Variants in FIGNL2 observed in about 807,000 individuals in gnomAD.
The protein encoded by FIGNL2 is fidgetin-like protein 2.
For synonymous variants in FIGNL2, 565 were observed against 484.0 expected, an observed-to-expected ratio of 1.17 and a Z score of -2.20; for missense variants, 1,060 against 950.2, an observed-to-expected ratio of 1.12 and a Z score of -1.52.
Position 51,821,415 on chromosome 12 carries a change from C to T in FIGNL2, c.999G>A (p.Leu333=). ...GTTGCGGGCCGTAGACGGGGGAGCC[C>T]AGGACCTTGAGGGGGACGCCGCCAC... is the stretch of plus-strand genomic sequence containing the variant. ...KYGGGVPLKV[L]GSPVYGPQLE... is the part of the protein sequence containing the mutation. Residue 333 remains leucine (L), a synonymous_variant, in exon 2 of 2, where the codon CTG becomes CTA. Coordinates refer to ENST00000618634, the MANE Select transcript of FIGNL2 (RefSeq NM_001384995.1). The T allele has an allele frequency of 6.5e-7, 1 of 1,536,756 alleles. No homozygotes were observed.
At chr12:51,845,766 G>A (rs988524906) in intron 1 of FIGNL2, 1 of 608,892 alleles carries the variant, frequency 1.6e-6, no homozygotes, top group Non-Finnish European at 1.9e-6. Context: ...AATGGCAGCA[G>A]TCGGAGCTTG....
At chr12:51,829,576 G>A (rs1018282489) in intron 1 of FIGNL2, among the ~76,000 whole-genome samples, 31 of 152,212 alleles carry the variant, frequency 2.0e-4, no homozygotes, top group African/African-American at 6.8e-4. Flanking sequence ...GTTTAGGGAT[G>A]AGCTAGAGGA....
At chr12:51,842,161 C>T (rs1389325706) in intron 1 of FIGNL2, 1 of 152,302 alleles carries the variant, frequency 6.6e-6, no homozygotes, top group South Asian at 2.1e-4. Context: ...AGCTGCCTTC[C>T]TCATTTTACG....
intron 1 of FIGNL2, among the ~76,000 whole-genome samples, chr12:51,839,580 C>G (rs184026247): frequency 6.6e-6 from 1 of 152,342 alleles, no homozygotes; most frequent in East Asian, 1.9e-4. Context: ...AACCCTTCAG[C>G]CTGGCACCAG....
At chr12:51,842,083 T>C (rs1939672883) in intron 1 of FIGNL2, 1 of 151,924 alleles carries the variant, frequency 6.6e-6, no homozygotes, top group Admixed American at 6.6e-5. Flanking sequence ...TTCTCTGATA[T>C]CTAATGATCA....
Position 51,822,370 on chromosome 12 carries a change from G to A in FIGNL2, c.44C>T (p.Pro15Leu). The A allele has an allele frequency of 6.2e-7, 1 of 1,613,666 alleles. No individual in the cohort carries two copies. Among genetic ancestry groups the A allele is most frequent in the South Asian group, 1.1e-5 (1 of 90,966 alleles). The change falls in exon 2 of 2, where the codon CCA (proline) becomes CTA (leucine). Residue 15 changes from proline (P) to leucine (L), a missense_variant. Coordinates refer to ENST00000618634, the MANE Select transcript of FIGNL2 (RefSeq NM_001384995.1). ...GGAGGAGACGTCCAGGTGCTGCTCT[G>A]GCCACTGGTTGAGGGGCTGGGCGTG... ...PEHAQPLNQW[P>L]EQHLDVSSTT...
intron 1 of FIGNL2, chr12:51,835,425 T>C (rs1939564245): frequency 6.6e-6 from 1 of 152,188 alleles, no homozygotes; most frequent in African/African-American, 2.4e-5. Context: ...GGAAGGAACA[T>C]AGTGTGGCGG....
intron 1 of FIGNL2, chr12:51,847,882 G>A: frequency 2.1e-6 from 2 of 958,856 alleles, no homozygotes; most frequent in South Asian, 4.8e-5. Context: ...CTTGTTGCCT[G>A]TAGCCCCAGG....
At chr12:51,833,105 C>T (rs139837392) in intron 1 of FIGNL2, among the ~76,000 whole-genome samples, 14 of 152,210 alleles carry the variant, frequency 9.2e-5, no homozygotes, top group East Asian at 3.9e-4. Flanking sequence ...TGGAGTGCAG[C>T]GGCGTGATCA....
At position 51,821,338 on chromosome 12, in the gene FIGNL2, A is replaced by T. The variant is rs756328689; in HGVS notation, c.1076T>A (p.Phe359Tyr). ...PERAPAPRGG[F>Y]AVPSGETPKG... The stretch of plus-strand genomic sequence containing the variant: ...GGGAGTCTCCCCCGACGGCACGGCG[A>T]ACCCCCCACGAGGAGCCGGGGCCCG... Residue 359 changes from phenylalanine (F) to tyrosine (Y), a missense_variant, in exon 2 of 2, where the codon TTC becomes TAC. Physicochemically the swap from Phe to Tyr is conservative, Grantham distance 22. Coordinates refer to ENST00000618634, the MANE Select transcript of FIGNL2 (RefSeq NM_001384995.1). 8.7e-6 allele frequency: 13 copies of T among 1,501,280 alleles called. No individual in the cohort carries two copies. In the South Asian group the frequency reaches 1.1e-4, roughly 13 times the overall value. 93.0% of individuals were successfully genotyped at this position (1,501,280 alleles called of 1,614,324 possible).
At chr12:51,823,282 A>G (rs1248645009) in intron 1 of FIGNL2, among the ~76,000 whole-genome samples, 2 of 152,222 alleles carry the variant, frequency 1.3e-5, no homozygotes, top group Non-Finnish European at 2.9e-5. Context: ...TTAATATACA[A>G]CAATGCACAT....
intron 1 of FIGNL2, chr12:51,844,697 GA>G: frequency 3.0e-6 from 3 of 985,398 alleles, no homozygotes; most frequent in South Asian, 9.4e-5. Flanking sequence ...GCTCGGAGAA[GA>G]GCAATTGCCA....
intron 1 of FIGNL2, among the ~76,000 whole-genome samples, chr12:51,833,949 A>G (rs1457902637): frequency 6.6e-6 from 1 of 152,126 alleles, no homozygotes; most frequent in Admixed American, 6.6e-5. Flanking sequence ...GGATGGACAG[A>G]CGGACGGATG....
rs568200383 is a variant in FIGNL2, at chr12:51,822,021, G to C, written c.393C>G (p.Gly131=). ...GGGGGSGALG[G]SPVLAGNLPE... ...GGAGGTTCCCGGCTAAAACTGGGGAGCCCCCCAGGGCCCCGGAACCGCCGC... is the reference window on the plus strand; with the variant it reads ...GGAGGTTCCCGGCTAAAACTGGGGACCCCCCCAGGGCCCCGGAACCGCCGC... The change falls in exon 2 of 2, where the codon GGC becomes GGG. Residue 131 remains glycine, a synonymous_variant. Coordinates refer to ENST00000618634, the MANE Select transcript of FIGNL2 (RefSeq NM_001384995.1). 1 of 1,601,120 alleles carries C rather than the reference G, an allele frequency of 6.2e-7. No homozygotes were observed. The highest frequency in any genetic ancestry group is 1.1e-5 in the South Asian group (1 of 89,012).
At chr12:51,844,961 G>A in intron 1 of FIGNL2, 2 of 773,096 alleles carry the variant, frequency 2.6e-6, no homozygotes, top group Middle Eastern at 6.7e-4. Flanking sequence ...GCATGACTCT[G>A]TCCTCAGCAC....
In FIGNL2 at chr12:51,821,682, CGGCGCGGGCAGGGGCGTG is replaced by C. The variant is rs970448639; in HGVS notation, c.714_731del (p.Thr239_Pro244del). The C allele has an allele frequency of 1.8e-5, 24 of 1,360,352 alleles. No homozygotes were observed. The African/African-American group carries it at 2.6e-4, about 15-fold the overall frequency. 84.3% of individuals were successfully genotyped at this position (1,360,352 alleles called of 1,614,324 possible). ...GGAAGCCATAGGCGGTGGGCGGTGCCGGCGCGGGCAGGGGCGTGGGCGCGGGCAGGCCCGGGGTCAGGT... is the reference window on the plus strand; with the variant it reads ...GGAAGCCATAGGCGGTGGGCGGTGCCGGCGCGGGCAGGCCCGGGGTCAGGT... On this transcript the variant is annotated inframe_deletion, in exon 2 of 2. Transcript: ENST00000618634.
At chr12:51,827,051 C>G (rs1255411204) in intron 1 of FIGNL2, among the ~76,000 whole-genome samples, 1 of 152,252 alleles carries the variant, frequency 6.6e-6, no homozygotes. Flanking sequence ...TCCCCTAGCC[C>G]GCTATAGGTG....
intron 1 of FIGNL2, among the ~76,000 whole-genome samples, chr12:51,823,014 A>C (rs1057010587): frequency 6.6e-6 from 1 of 152,220 alleles, no homozygotes; most frequent in East Asian, 1.9e-4. Context: ...TGTGGGCCTG[A>C]GGTCAGAGAT....
chr12:51,847,316 G>A, intron 1 of FIGNL2: 1 of 985,440 alleles, frequency 1.0e-6, no homozygotes, highest in Non-Finnish European at 1.2e-6. Flanking sequence ...CACAGGGGAG[G>A]CCCCACGGCC....
Sources: allele counts gnomAD v4.1 joint callset (sites outside exome capture counted in the v4.1 genomes callset), GRCh38; gene constraint gnomAD v4.1.1; transcripts MANE v1.5; gene names NCBI Gene and HGNC (gene_info 2026-07-23, HGNC 2026-07-21).